The following HDLBP variants were observed in gnomAD, a reference collection of about 807,000 sequenced individuals.
The protein encoded by HDLBP is vigilin.
Under a neutral mutation model 137.3 loss-of-function variants are expected in HDLBP, and 30 were observed. The ratio of observed to expected loss-of-function variants is 0.22; its 90% CI spans 0.16 to 0.30. The LOEUF (loss-of-function observed/expected upper bound fraction) is 0.30, where lower values mean the gene tolerates loss of function less well. HDLBP is among the 10% of genes least tolerant of loss of function. The pLI is 1.00. For missense variants in HDLBP, 1,119 were observed against 1,667.3 expected, an observed-to-expected ratio of 0.67 and a Z score of 5.73; for synonymous variants, 606 against 596.0, an observed-to-expected ratio of 1.02 and a Z score of -0.24.
At chr2:241,237,071 C>A (rs1418804956) in intron 20 of HDLBP, among the ~76,000 whole-genome samples, 1 of 150,306 alleles carries the variant, frequency 6.7e-6, no homozygotes, top group Non-Finnish European at 1.5e-5. Context: ...CTAACAGCAA[C>A]TAACTACAGC....
Position 241,253,054 on chromosome 2 carries a change from G to A in HDLBP, c.1294-19C>T. On this transcript the variant is annotated intron_variant, in intron 10 of 27. Coordinates refer to ENST00000310931, the MANE Select transcript of HDLBP (RefSeq NM_005336.6). ...GGTTAATCTGCAGGAGGAGCACAGA[G>A]GTCCATGGATGCGCCTGGTTACTTG... The A allele has an allele frequency of 6.3e-7, 1 of 1,578,566 alleles. No homozygotes were observed. Among genetic ancestry groups the A allele is most frequent in the South Asian group, 1.1e-5 (1 of 90,318 alleles).
intron 10 of HDLBP, 167 bp downstream of exon 10, chr2:241,253,225 AG>A: frequency 1.5e-6 from 1 of 675,908 alleles, no homozygotes; most frequent in Non-Finnish European, 2.7e-6. Flanking sequence ...CGATTATTCC[AG>A]GACTTCGACC....
Sources: allele counts gnomAD v4.1 joint callset (sites outside exome capture counted in the v4.1 genomes callset), GRCh38; gene constraint gnomAD v4.1.1; transcripts MANE v1.5; gene names NCBI Gene and HGNC (gene_info 2026-07-23, HGNC 2026-07-21).